Variants in MREG observed in about 807,000 individuals in gnomAD.
The protein encoded by MREG is melanoregulin.
A neutral mutation model predicts 28.5 loss-of-function variants in MREG; 31 were observed. That is an observed-to-expected ratio of 1.09 (90% CI 0.82 to 1.47). The LOEUF is 1.47. Among genes scored for constraint, MREG ranks in the 40% most tolerant of loss-of-function variants. The pLI is 0.00. For synonymous variants in MREG, 106 were observed against 95.2 expected, an observed-to-expected ratio of 1.11 and a Z score of -0.66; for missense variants, 256 against 257.4, an observed-to-expected ratio of 0.99 and a Z score of 0.04.
Position 215,988,161 on chromosome 2 carries a change from G to T in MREG, c.255+8145C>A, listed in dbSNP as rs373208013. On this transcript the variant is annotated intron_variant, in intron 2 of 4. Transcript: ENST00000263268. ...AGCTCACGGTGAGATCAACGCAGAA[G>T]ACGGGTGATTTCTGCATTTCCACCT... 7.3e-4 allele frequency among the ~76,000 whole-genome samples: 111 copies of T among 152,286 alleles called. 1 individual carries two copies. The highest frequency in any genetic ancestry group is 2.5e-3 in the African/African-American group (105 of 41,554).
At chr2:215,983,661 T>C (rs545835426) in intron 2 of MREG, among the ~76,000 whole-genome samples, 2 of 152,290 alleles carry the variant, frequency 1.3e-5, no homozygotes, top group East Asian at 3.9e-4. Context: ...ATGTAGTAAT[T>C]GTATGTATTT....
At chr2:215,955,063 C>A (rs1309240680) in intron 2 of MREG, among the ~76,000 whole-genome samples, 1 of 151,994 alleles carries the variant, frequency 6.6e-6, no homozygotes, top group African/African-American at 2.4e-5. Flanking sequence ...AAGGCTCTGT[C>A]CCCCAGTCAC....
chr2:215,965,588 T>C (rs996262786), intron 2 of MREG, among the ~76,000 whole-genome samples: 1 of 152,266 alleles, frequency 6.6e-6, no homozygotes, highest in Non-Finnish European at 1.5e-5. Flanking sequence ...AAAAGCTTCT[T>C]GTTGTAGTGG....
chr2:215,973,331 G>C (rs1295201459), intron 2 of MREG, among the ~76,000 whole-genome samples: 2 of 152,176 alleles, frequency 1.3e-5, no homozygotes, highest in African/African-American at 4.8e-5. Context: ...TGAAAGCAAC[G>C]CTGAAACCTC....
upstream of MREG, chr2:216,033,822 A>ACCCACAG (rs1440839701): frequency 4.6e-5 from 7 of 152,310 alleles, no homozygotes; most frequent in Non-Finnish European, 1.0e-4. Flanking sequence ...GGCTGCTTGA[A>ACCCACAG]AGCTGAAACT....
chr2:216,012,830 T>C (rs566906669), intron 1 of MREG, among the ~76,000 whole-genome samples: 2 of 152,310 alleles, frequency 1.3e-5, no homozygotes, highest in African/African-American at 4.8e-5. Flanking sequence ...AATAGACAAC[T>C]TTTTTGCTGA....
intron 2 of MREG, among the ~76,000 whole-genome samples, chr2:215,995,857 T>C (rs1278501392): frequency 6.7e-6 from 1 of 149,558 alleles, no homozygotes; most frequent in Non-Finnish European, 1.5e-5. Context: ...CTGATCAGTA[T>C]GCATAATTTA....
chr2:216,004,458 C>T (rs1424663283), intron 1 of MREG, among the ~76,000 whole-genome samples: 2 of 151,846 alleles, frequency 1.3e-5, no homozygotes, highest in African/African-American at 4.8e-5. Context: ...ACAGGAGAAT[C>T]ACTTGAACCC....
At chr2:215,968,950 G>A (rs1693015885) in intron 2 of MREG, among the ~76,000 whole-genome samples, 1 of 152,102 alleles carries the variant, frequency 6.6e-6, no homozygotes, top group Admixed American at 6.6e-5. Flanking sequence ...GTAGAGATGA[G>A]GTCTTGCTAT....
intron 1 of MREG, among the ~76,000 whole-genome samples, chr2:216,029,450 C>A (rs1694646667): frequency 7.2e-6 from 1 of 137,934 alleles, no homozygotes; most frequent in Non-Finnish European, 1.6e-5. Flanking sequence ...TGCACTCCGC[C>A]TGGCGAGAGA....
At chr2:215,971,962 G>A (rs144574973) in intron 2 of MREG, among the ~76,000 whole-genome samples, 15 of 152,272 alleles carry the variant, frequency 9.9e-5, no homozygotes, top group African/African-American at 3.4e-4. Flanking sequence ...CCCGGCACCC[G>A]CAGTTAGTTG....
chr2:215,964,649 C>G (rs1456932080), intron 2 of MREG, among the ~76,000 whole-genome samples: 1 of 152,116 alleles, frequency 6.6e-6, no homozygotes, highest in Admixed American at 6.5e-5. Flanking sequence ...GCCAAATTAT[C>G]TATCAAAAAT....
In MREG at chr2:215,944,696, A is replaced by G. The variant is rs1201794954; in HGVS notation, c.*167T>C. On this transcript the variant is annotated 3_prime_UTR_variant, in exon 5 of 5. Transcript: ENST00000263268. ...CGTTTCAATGCAGCCTGCACAATTC[A>G]TGGGGCAGGGTCCTCAGATTAAAGA... 4.9e-6 allele frequency: 3 copies of G among 615,206 alleles called. No homozygotes were observed. Among genetic ancestry groups the G allele is most frequent in the Non-Finnish European group, 7.6e-6 (3 of 395,536 alleles). 38.1% of individuals were successfully genotyped at this position (615,206 alleles called of 1,614,324 possible).
intron 2 of MREG, among the ~76,000 whole-genome samples, chr2:215,955,204 G>A (rs565163437): frequency 6.6e-6 from 1 of 152,146 alleles, no homozygotes; most frequent in African/African-American, 2.4e-5. Context: ...AAAAATGTAA[G>A]ATTTGGGCTC....
chr2:215,975,008 T>TTTTATATATATATATATATA (rs143806765), intron 2 of MREG, among the ~76,000 whole-genome samples: 74 of 106,604 alleles, frequency 6.9e-4, no homozygotes, highest in South Asian at 1.5e-3. Flanking sequence ...TTTATATGAA[T>TTTTATATATATATATATATA]TATATATATA....
At chr2:215,969,767 C>CAG (rs1559181040) in intron 2 of MREG, among the ~76,000 whole-genome samples, 1 of 151,904 alleles carries the variant, frequency 6.6e-6, no homozygotes, top group Non-Finnish European at 1.5e-5. Flanking sequence ...CAGAGACCAG[C>CAG]AGACCCAGGG....
intron 2 of MREG, among the ~76,000 whole-genome samples, chr2:215,970,027 A>G (rs1693045841): frequency 6.6e-6 from 1 of 152,230 alleles, no homozygotes; most frequent in African/African-American, 2.4e-5. Flanking sequence ...CATGCCTATC[A>G]TTATGGGTTA....
intron 2 of MREG, among the ~76,000 whole-genome samples, chr2:215,954,890 A>G (rs1692584298): frequency 6.6e-6 from 1 of 152,052 alleles, no homozygotes; most frequent in Non-Finnish European, 1.5e-5. Context: ...TTTAGTAGAG[A>G]TGCAGTCTCA....
chr2:215,958,399 A>C (rs114177235), intron 2 of MREG, among the ~76,000 whole-genome samples: 2,486 of 152,302 alleles, frequency 0.016, 75 homozygotes, highest in African/African-American at 0.055. Context: ...TTCCTCCCAG[A>C]GTTAATTAGC....
Sources: gnomAD v4.1 joint callset for allele counts (sites outside exome capture counted in the v4.1 genomes callset) on GRCh38, gnomAD v4.1.1 for gene constraint, MANE v1.5 for transcripts, NCBI Gene and HGNC (gene_info 2026-07-23, HGNC 2026-07-21) for gene names.